Variants in ATP8B4 observed in about 807,000 individuals in gnomAD.
ATP8B4 encodes the protein probable phospholipid-transporting ATPase IM.
Under a neutral mutation model 145.6 loss-of-function variants are expected in ATP8B4, and 133 were observed. That is an observed-to-expected ratio of 0.91 (90% CI 0.79 to 1.05). The LOEUF is 1.05. Ranked by LOEUF, ATP8B4 falls within the 50% of genes least tolerant of loss-of-function variation. ATP8B4 has a pLI of 0.00. For synonymous variants in ATP8B4, 507 were observed against 492.9 expected (o/e 1.03, Z -0.38); for missense variants, 1,458 against 1,425.2 (o/e 1.02, Z -0.37).
At chr15:50,101,636 T>C (rs1158379413) in intron 2 of ATP8B4, among the ~76,000 whole-genome samples, 1 of 151,994 alleles carries the variant, frequency 6.6e-6, no homozygotes, top group Non-Finnish European at 1.5e-5. Context: ...AGCAACACAA[T>C]AATAGTGGGA....
At chr15:50,024,056 A>G (rs2049819608) in intron 6 of ATP8B4, among the ~76,000 whole-genome samples, 1 of 152,092 alleles carries the variant, frequency 6.6e-6, no homozygotes, top group African/African-American at 2.4e-5. Flanking sequence ...CTCAAGTTTC[A>G]AAGGAAGGAT....
In ATP8B4 at chr15:50,007,106, A is replaced by C. The variant is rs549106104; in HGVS notation, c.435+3739T>G. On this transcript the variant is annotated intron_variant, in intron 7 of 27. Transcript: ENST00000284509. ...ACAAATGCAGAACATAAAAAAAATA[A>C]ATAAATAAAAATAAATAAAAGGTAA... Among the ~76,000 whole-genome samples the C allele has an allele frequency of 8.7e-4, 85 of 98,040 alleles. 1 individual carries two copies. Among genetic ancestry groups the C allele is most frequent in the Non-Finnish European group, 1.4e-3 (68 of 50,340 alleles). The allele number at this position is 98,040 out of a possible 152,430, so 64.3% of individuals were successfully genotyped here. A position where few individuals can be genotyped will look rare whatever the true frequency, so the allele number is the denominator to read the frequency against.
At chr15:49,972,066 G>A (rs146554389) in intron 13 of ATP8B4, among the ~76,000 whole-genome samples, 207 of 152,220 alleles carry the variant, frequency 1.4e-3, no homozygotes, top group African/African-American at 4.7e-3. Context: ...AGTGGGAACT[G>A]AACAATGAGA....
rs1567331356 is a variant in ATP8B4, at chr15:50,085,963, T to TGATATATATCATATA, written c.29-11779_29-11778insTATATGATATATATC. Among the ~76,000 whole-genome samples the TGATATATATCATATA allele has an allele frequency of 4.6e-4, 25 of 53,774 alleles. 1 individual carries two copies. Among genetic ancestry groups the TGATATATATCATATA allele is most frequent in the African/African-American group, 2.8e-3 (25 of 9,028 alleles). The allele number at this position is 53,774 out of a possible 152,430, so 35.3% of individuals were successfully genotyped here. On this transcript the variant is annotated intron_variant, in intron 2 of 27. Coordinates refer to ENST00000284509, the MANE Select transcript of ATP8B4 (RefSeq NM_024837.4). ...TATATATGATATATATCATATATAT[T>TGATATATATCATATA]TATATATGATATATCAAATATATCA...
intron 3 of ATP8B4, among the ~76,000 whole-genome samples, chr15:50,054,822 A>C (rs1013152681): frequency 4.7e-5 from 7 of 150,304 alleles, no homozygotes; most frequent in East Asian, 1.9e-4. Flanking sequence ...AAAAAAAAAA[A>C]ACACCAACCT....
chr15:49,921,931 G>A (rs964708429), intron 17 of ATP8B4, among the ~76,000 whole-genome samples: 14 of 152,144 alleles, frequency 9.2e-5, no homozygotes, highest in Non-Finnish European at 1.2e-4. Context: ...ATTCACACAA[G>A]CACTTTTTTG....
At chr15:49,969,732 A>G (rs1485075619) in intron 13 of ATP8B4, among the ~76,000 whole-genome samples, 1 of 152,234 alleles carries the variant, frequency 6.6e-6, no homozygotes, top group East Asian at 1.9e-4. Context: ...AAACTATTCC[A>G]AACAATAGAA....
intron 2 of ATP8B4, among the ~76,000 whole-genome samples, chr15:50,079,221 C>T (rs2054386503): frequency 6.6e-6 from 1 of 151,712 alleles, no homozygotes; most frequent in Non-Finnish European, 1.5e-5. Context: ...TATGTACTCA[C>T]AAAAATTAAA....
intron 20 of ATP8B4, among the ~76,000 whole-genome samples, chr15:49,916,407 A>G (rs1267152056): frequency 6.6e-6 from 1 of 152,172 alleles, no homozygotes. Context: ...CTACATCAAA[A>G]TATCTACTTT....
At chr15:50,005,703 T>G (rs1244419684) in intron 7 of ATP8B4, among the ~76,000 whole-genome samples, 2 of 152,222 alleles carry the variant, frequency 1.3e-5, no homozygotes, top group Non-Finnish European at 2.9e-5. Flanking sequence ...AATTTAGAAC[T>G]TCTGATCCCA....
At chr15:49,904,155 G>A (rs1204230154) in intron 20 of ATP8B4, among the ~76,000 whole-genome samples, 2 of 152,132 alleles carry the variant, frequency 1.3e-5, no homozygotes, top group South Asian at 2.1e-4. Context: ...GCACCAAGCT[G>A]GTTTACACAT....
intron 2 of ATP8B4, among the ~76,000 whole-genome samples, chr15:50,104,382 G>GA (rs1400856963): frequency 2.0e-5 from 3 of 150,816 alleles, no homozygotes; most frequent in South Asian, 2.1e-4. Context: ...AAATCAGCAA[G>GA]AAAAAAAACA....
intron 1 of ATP8B4, among the ~76,000 whole-genome samples, chr15:50,159,207 AG>A (rs1353075870): frequency 6.6e-6 from 1 of 152,060 alleles, no homozygotes; most frequent in Non-Finnish European, 1.5e-5. Flanking sequence ...TTCATTGTGG[AG>A]ATCTTTTACT....
At chr15:49,946,665 A>T (rs924379629) in intron 14 of ATP8B4, among the ~76,000 whole-genome samples, 2 of 152,030 alleles carry the variant, frequency 1.3e-5, no homozygotes, top group African/African-American at 4.8e-5. Flanking sequence ...CCCAGGGATG[A>T]AGGACTGCCC....
At chr15:50,169,940 C>G (rs2044647640) in intron 1 of ATP8B4, among the ~76,000 whole-genome samples, 1 of 151,960 alleles carries the variant, frequency 6.6e-6, no homozygotes. Context: ...ATTCAGAGCT[C>G]AAAGACATGG....
At chr15:50,033,111 T>C (rs911564194) in intron 6 of ATP8B4, among the ~76,000 whole-genome samples, 1 of 152,224 alleles carries the variant, frequency 6.6e-6, no homozygotes, top group Non-Finnish European at 1.5e-5. Flanking sequence ...ACTTGGAAAG[T>C]GCAGAGACAA....
chr15:49,934,147 T>A lies in ATP8B4; in HGVS notation c.1323A>T (p.Gln441His), dbSNP rs749369483. Residue 441 changes from glutamine to histidine, a missense_variant, in exon 15 of 28, where the codon CAA becomes CAT. Coordinates refer to ENST00000284509, the MANE Select transcript of ATP8B4 (RefSeq NM_024837.4). The stretch of plus-strand genomic sequence containing the variant: ...CAAAGAACTGAAATTCTCTATCCGC[T>A]TGAGATTTGACTGAGAAATCCACAG... ...KEPVDFSVKSQADREFQFFDH... is the reference protein window; with the variant it reads ...KEPVDFSVKSHADREFQFFDH... 3 of 1,611,874 alleles carry A rather than the reference T, an allele frequency of 1.9e-6. No individual in the cohort carries two copies. The highest frequency in any genetic ancestry group is 1.7e-5 in the Admixed American group (1 of 59,612).
chr15:50,115,099 G>A (rs1038782577), intron 1 of ATP8B4, among the ~76,000 whole-genome samples: 2 of 152,216 alleles, frequency 1.3e-5, no homozygotes, highest in Admixed American at 6.5e-5. Context: ...GGGAGGCCAA[G>A]GTGGGCAGAT....
chr15:50,076,925 G>A (rs371466359), intron 2 of ATP8B4, among the ~76,000 whole-genome samples: 3 of 152,176 alleles, frequency 2.0e-5, no homozygotes, highest in Non-Finnish European at 2.9e-5. Context: ...CTACCACAGT[G>A]TATGAGGGGA....
Sources: gnomAD v4.1 joint callset for allele counts (sites outside exome capture counted in the v4.1 genomes callset) on GRCh38, gnomAD v4.1.1 for gene constraint, MANE v1.5 for transcripts, NCBI Gene and HGNC (gene_info 2026-07-23, HGNC 2026-07-21) for gene names.